The following DYNC2H1 variants were observed in gnomAD, a reference collection of about 807,000 sequenced individuals.
DYNC2H1 encodes cytoplasmic dynein 2 heavy chain 1.
In DYNC2H1, 410 loss-of-function variants were observed where a neutral mutation model predicts 570.0. The ratio of observed to expected loss-of-function variants is 0.72; its 90% CI spans 0.66 to 0.78. The LOEUF (loss-of-function observed/expected upper bound fraction) is 0.78. Among genes scored for constraint, DYNC2H1 ranks in the 30% least tolerant of loss-of-function variants. The probability of loss-of-function intolerance (pLI) is 0.00; values close to 1 mark genes in which losing one functional copy is unlikely to be tolerated. For synonymous variants in DYNC2H1, 1,688 were observed against 1,677.6 expected, an observed-to-expected ratio of 1.01 and a Z score of -0.15; for missense variants, 4,865 against 5,046.4, an observed-to-expected ratio of 0.96 and a Z score of 1.09.
intron 8 of DYNC2H1, 22 bp downstream of exon 8, chr11:103,120,824 C>G: frequency 7.3e-7 from 1 of 1,373,470 alleles, no homozygotes; most frequent in Non-Finnish European, 9.6e-7. Context: ...AGATATTTCA[C>G]TTTTAATATT....
At chr11:103,413,899 A>AAG (rs1943182517) in intron 84 of DYNC2H1, among the ~76,000 whole-genome samples, 1 of 152,194 alleles carries the variant, frequency 6.6e-6, no homozygotes, top group Non-Finnish European at 1.5e-5. Context: ...CTTTTTTAGC[A>AAG]AGAGATTTTA....
intron 82 of DYNC2H1, among the ~76,000 whole-genome samples, chr11:103,332,387 A>G (rs1938860886): frequency 6.6e-6 from 1 of 152,092 alleles, no homozygotes; most frequent in African/African-American, 2.4e-5. Context: ...CCATTGTATA[A>G]TTAGTACTCA....
intron 55 of DYNC2H1, among the ~76,000 whole-genome samples, chr11:103,219,094 A>C (rs1863488484): frequency 6.6e-6 from 1 of 152,194 alleles, no homozygotes; most frequent in African/African-American, 2.4e-5. Context: ...ATTGTTTAAG[A>C]AATTATGCAT....
At chr11:103,284,244 T>G (rs542145413) in intron 73 of DYNC2H1, among the ~76,000 whole-genome samples, 2 of 152,318 alleles carry the variant, frequency 1.3e-5, no homozygotes, top group African/African-American at 4.8e-5. Flanking sequence ...CTTTGCTCCT[T>G]GGCTATAAAT....
intron 87 of DYNC2H1, among the ~76,000 whole-genome samples, chr11:103,462,324 G>A (rs1945044870): frequency 2.6e-5 from 4 of 151,784 alleles, no homozygotes; most frequent in Admixed American, 2.6e-4. Flanking sequence ...TGTGTGGAGG[G>A]GCAACAAAAA....
chr11:103,171,175 T>A, intron 34 of DYNC2H1, 107 bp downstream of exon 34: 3 of 1,037,202 alleles, frequency 2.9e-6, no homozygotes, highest in Non-Finnish European at 3.8e-6. Flanking sequence ...TCCGTGTTTC[T>A]AATCTGTAAC....
chr11:103,382,218 T>A (rs1448234417), intron 83 of DYNC2H1, among the ~76,000 whole-genome samples: 3 of 152,184 alleles, frequency 2.0e-5, no homozygotes, highest in Non-Finnish European at 4.4e-5. Flanking sequence ...CTCATTTAAA[T>A]TACCTATATG....
At chr11:103,411,781 A>G (rs1565575849) in intron 84 of DYNC2H1, among the ~76,000 whole-genome samples, 1 of 152,078 alleles carries the variant, frequency 6.6e-6, no homozygotes, top group Non-Finnish European at 1.5e-5. Context: ...TTATTTCTTA[A>G]TTAACATGTA....
chr11:103,399,921 C>A, intron 84 of DYNC2H1, 49 bp downstream of exon 84: 1 of 1,455,820 alleles, frequency 6.9e-7, no homozygotes, highest in Non-Finnish European at 9.6e-7. Flanking sequence ...TTATAAGTGA[C>A]TCCTCCATCA....
chr11:103,272,882 G>C (rs1865765191), intron 70 of DYNC2H1, among the ~76,000 whole-genome samples: 1 of 151,850 alleles, frequency 6.6e-6, no homozygotes, highest in Admixed American at 6.6e-5. Context: ...CATTTAGAGA[G>C]TTATTCACTT....
Position 103,170,315 on chromosome 11 carries a change from T to G in DYNC2H1, c.5151+25T>G. 6.5e-7 allele frequency: 1 copy of G among 1,527,672 alleles called. No individual in the cohort carries two copies. Among genetic ancestry groups the G allele is most frequent in the Non-Finnish European group, 8.8e-7 (1 of 1,138,380 alleles). 94.6% of individuals were successfully genotyped at this position (1,527,672 alleles called of 1,614,324 possible). A position where few individuals can be genotyped will look rare whatever the true frequency, so the allele number is the denominator to read the frequency against. The stretch of plus-strand genomic sequence containing the variant: ...GGTAGAATAAATAATTATCAAAATA[T>G]GTAACAATGGGTTAATCATATTTAG... On this transcript the variant is annotated intron_variant, in intron 33 of 88. Coordinates refer to ENST00000375735, the MANE Select transcript of DYNC2H1 (RefSeq NM_001377.3). This position sits in a 1 kb window ranked among gnomAD's most constrained non-coding sequence, Gnocchi z 4.8.
At position 103,289,513 on chromosome 11, in the gene DYNC2H1, C is replaced by T. The variant is rs920787333; in HGVS notation, c.11095+1908C>T. Among the ~76,000 whole-genome samples the T allele has an allele frequency of 1.3e-5, 2 of 152,152 alleles. No homozygotes were observed. Among genetic ancestry groups the T allele is most frequent in the African/African-American group, 4.8e-5 (2 of 41,440 alleles). Reference sequence around the variant, plus strand: ...GTGGTTTCAGTACCTGTAATCCCAGCACATTTGGAGGCTGACGGGGGAGGA... The same window carrying T: ...GTGGTTTCAGTACCTGTAATCCCAGTACATTTGGAGGCTGACGGGGGAGGA... On this transcript the variant is annotated intron_variant, in intron 75 of 88. Transcript: ENST00000375735. This position sits in a 1 kb window ranked among gnomAD's most constrained non-coding sequence, Gnocchi z 4.2.
chr11:103,376,994 T>C (rs1424461893), intron 83 of DYNC2H1, among the ~76,000 whole-genome samples: 1 of 152,224 alleles, frequency 6.6e-6, no homozygotes, highest in East Asian at 1.9e-4. Context: ...AATCTGACTG[T>C]CTAGTGGGGA....
intron 85 of DYNC2H1, among the ~76,000 whole-genome samples, chr11:103,438,444 A>G (rs1306403077): frequency 2.0e-5 from 3 of 152,092 alleles, no homozygotes; most frequent in Non-Finnish European, 4.4e-5. Context: ...TAGAAGCACT[A>G]TTTGCAAGGA....
chr11:103,141,687 C>T (rs989589890), intron 17 of DYNC2H1, among the ~76,000 whole-genome samples: 1 of 152,218 alleles, frequency 6.6e-6, no homozygotes, highest in Non-Finnish European at 1.5e-5. Context: ...AGGAGGCAGT[C>T]TGCCCGTTCT....
Position 103,109,730 on chromosome 11 carries a change from G to A in DYNC2H1, c.156G>A (p.Arg52=). 1 of 1,613,732 alleles carries A rather than the reference G, an allele frequency of 6.2e-7. No individual in the cohort carries two copies. The highest frequency in any genetic ancestry group is 8.5e-7 in the Non-Finnish European group (1 of 1,179,840). ...ATGACGGCAACCAGATGCTCCTCAG[G>A]GTGCAGCGATCCGACGCAGGAATCT... ...FLDDGNQMLL[R]VQRSDAGISF... The change falls in exon 1 of 89, where the codon AGG becomes AGA. Residue 52 remains arginine (R), a synonymous_variant. Transcript: ENST00000375735.
chr11:103,249,383 G>A lies in DYNC2H1; in HGVS notation c.10043-3902G>A, dbSNP rs911488502. On this transcript the variant is annotated intron_variant, in intron 65 of 88. Coordinates refer to ENST00000375735, the MANE Select transcript of DYNC2H1 (RefSeq NM_001377.3). The surrounding 1 kb of genome is among the most constrained non-coding windows in gnomAD (Gnocchi z 4.6). ...ACTTTTTATTTAAAAATAAATATGC[G>A]TAAAGAAAAGAATACCTAAATTTAT... Among the ~76,000 whole-genome samples, 19 of 151,754 alleles carry A rather than the reference G, an allele frequency of 1.3e-4. No individual in the cohort carries two copies. The highest frequency in any genetic ancestry group is 2.1e-4 in the South Asian group (1 of 4,810).
rs974789381 is a variant in DYNC2H1 at position 103,289,121 on chromosome 11, C to T, written c.11095+1516C>T. Among the ~76,000 whole-genome samples the T allele has an allele frequency of 2.0e-5, 3 of 152,172 alleles. No individual in the cohort carries two copies. The highest frequency in any genetic ancestry group is 4.4e-5 in the Non-Finnish European group (3 of 68,030). On this transcript the variant is annotated intron_variant, in intron 75 of 88. Transcript: ENST00000375735. This position sits in a 1 kb window ranked among gnomAD's most constrained non-coding sequence, Gnocchi z 4.2. ...GGAATAGAAGACAGCAAGAAAACCT[C>T]ACTTCACCCCCACTGTGATTCCATC...
intron 84 of DYNC2H1, among the ~76,000 whole-genome samples, chr11:103,411,113 C>T (rs1943067599): frequency 6.6e-6 from 1 of 152,034 alleles, no homozygotes; most frequent in Non-Finnish European, 1.5e-5. Flanking sequence ...AATAATTAAG[C>T]TACATTAACT....
Sources: allele counts gnomAD v4.1 joint callset (sites outside exome capture counted in the v4.1 genomes callset), GRCh38; gene constraint gnomAD v4.1.1; non-coding constraint Gnocchi (gnomAD v3.1); transcripts MANE v1.5; gene names NCBI Gene and HGNC (gene_info 2026-07-23, HGNC 2026-07-21).